Variants in MED14 observed in about 807,000 individuals in gnomAD.
MED14 encodes mediator of RNA polymerase II transcription subunit 14.
In MED14, 8 loss-of-function variants were observed where a neutral mutation model predicts 109.0. The observed-to-expected ratio is 0.07, with a 90% CI of 0.04 to 0.13. The LOEUF is 0.13. Ranked by LOEUF, MED14 falls within the 10% of genes least tolerant of loss-of-function variation. The pLI is 1.00. For missense variants in MED14, 711 were observed against 1,142.4 expected, an observed-to-expected ratio of 0.62 and a Z score of 5.44; for synonymous variants, 399 against 408.7, an observed-to-expected ratio of 0.98 and a Z score of 0.29.
intron 14 of MED14, 128 bp from the exon 15 acceptor site, chrX:40,692,445 A>G: frequency 3.6e-6 from 2 of 559,438 alleles, no homozygotes; most frequent in Non-Finnish European, 5.6e-6. Context: ...TATTGTATTT[A>G]CTGAGTAAAT....
chrX:40,734,922 G>C (rs1246775668), intron 1 of MED14, among the ~76,000 whole-genome samples: 1 of 111,948 alleles, frequency 8.9e-6, no homozygotes, highest in Admixed American at 9.5e-5. Flanking sequence ...GAAATCAAGA[G>C]AGTTCTGTTG....
Position 40,661,373 on chromosome X carries a change from C to T in MED14, c.3684+1552G>A, listed in dbSNP as rs375425754. On this transcript the variant is annotated intron_variant, in intron 26 of 30. Transcript: ENST00000324817. ...CTGGGATTACAGGCATGAGCCACCA[C>T]GCCTGGCCTTGTATTTTCAGTAGAG... 8.5e-5 allele frequency among the ~76,000 whole-genome samples: 9 copies of T among 106,138 alleles called. No individual in the cohort carries two copies. In the East Asian group the frequency reaches 2.6e-3, roughly 31 times the overall value. 92.2% of individuals were successfully genotyped at this position (106,138 alleles called of 115,157 possible).
intron 26 of MED14, among the ~76,000 whole-genome samples, chrX:40,662,000 AT>A (rs1411414359): frequency 5.5e-5 from 6 of 109,816 alleles, no homozygotes; most frequent in Non-Finnish European, 9.5e-5. Context: ...TATAGCTGGG[AT>A]TATAGGTGCG....
At chrX:40,654,707 A>G (rs1928996276) in intron 29 of MED14, 151 bp from the exon 30 acceptor site, 1 of 702,471 alleles carries the variant, frequency 1.4e-6, no homozygotes, top group Non-Finnish European at 2.1e-6. Context: ...AAACAACTGA[A>G]TATTATGGTT....
intron 3 of MED14, among the ~76,000 whole-genome samples, chrX:40,716,214 GGAA>G (rs1483305513): frequency 9.0e-6 from 1 of 111,362 alleles, no homozygotes; most frequent in African/African-American, 3.3e-5. Context: ...GTGAGGATGT[GGAA>G]GAAGGGGAAC....
chrX:40,709,499 A>AATTGC, intron 9 of MED14, 40 bp from the exon 10 acceptor site: 1 of 736,196 alleles, frequency 1.4e-6, no homozygotes, highest in Non-Finnish European at 2.0e-6. Flanking sequence ...GTGCAATTTA[A>AATTGC]ACATTTTTAC....
intron 10 of MED14, among the ~76,000 whole-genome samples, chrX:40,705,445 C>G (rs1488610465): frequency 8.9e-6 from 1 of 112,072 alleles, no homozygotes; most frequent in Admixed American, 9.5e-5. Flanking sequence ...AAGAAATACT[C>G]TGATACAAAT....
In MED14 at chrX:40,650,136, C is replaced by T. The variant is rs766585843; in HGVS notation, c.*1670G>A. 36 of 750,044 alleles carry T rather than the reference C, an allele frequency of 4.8e-5. No individual in the cohort carries two copies. Among genetic ancestry groups the T allele is most frequent in the Admixed American group, 8.8e-5 (1 of 11,407 alleles). The allele number at this position is 750,044 out of a possible 1,213,427, so 61.8% of individuals were successfully genotyped here. ...GATAAAGACATCTTAGATTGCCAAA[C>T]TGATGTGATTACCACTGTAAGAACT... On this transcript the variant is annotated 3_prime_UTR_variant, in exon 31 of 31. Coordinates refer to ENST00000324817, the MANE Select transcript of MED14 (RefSeq NM_004229.4).
chrX:40,702,942 A>AT (rs1304728333), intron 11 of MED14, among the ~76,000 whole-genome samples: 2 of 112,210 alleles, frequency 1.8e-5, no homozygotes, highest in Non-Finnish European at 3.8e-5. Context: ...TCATCATTTC[A>AT]TAACACTGAC....
intron 16 of MED14, among the ~76,000 whole-genome samples, chrX:40,685,830 T>C (rs1447697916): frequency 8.9e-6 from 1 of 112,116 alleles, no homozygotes; most frequent in Non-Finnish European, 1.9e-5. Context: ...GGGGATAAAG[T>C]AGAACAAGAA....
At chrX:40,735,550 T>A, upstream of MED14, 2 of 630,223 alleles carry the variant, frequency 3.2e-6, no homozygotes, top group Non-Finnish European at 5.1e-6. Context: ...CAGGAAGCCG[T>A]GCGCCGACCG....
intron 18 of MED14, among the ~76,000 whole-genome samples, chrX:40,682,218 G>A (rs775047054): frequency 9.0e-6 from 1 of 111,712 alleles, no homozygotes; most frequent in African/African-American, 3.2e-5. Flanking sequence ...GGGACTTTAT[G>A]CAAAGTTCTT....
In MED14 at chrX:40,675,040, T is replaced by G. The variant is rs1291448096; in HGVS notation, c.3021+181A>C. On this transcript the variant is annotated intron_variant, in intron 22 of 30. Transcript: ENST00000324817. ...CTGAGATTAATGCTGTTTCCAACAC[T>G]ATTCATTTCTTGTCACTGGAAGTCT... Among the ~76,000 whole-genome samples, 9 of 112,748 alleles carry G rather than the reference T, an allele frequency of 8.0e-5. No individual in the cohort carries two copies. The Admixed American group carries it at 8.4e-4, about 11-fold the overall frequency.
intron 11 of MED14, among the ~76,000 whole-genome samples, chrX:40,702,106 T>C (rs957084558): frequency 9.0e-6 from 1 of 111,720 alleles, no homozygotes; most frequent in Non-Finnish European, 1.9e-5. Flanking sequence ...TCATCAGAAA[T>C]CAACCATGCT....
chrX:40,698,817 G>A (rs1411753838), intron 12 of MED14, among the ~76,000 whole-genome samples: 3 of 112,197 alleles, frequency 2.7e-5, no homozygotes, highest in African/African-American at 9.7e-5. Flanking sequence ...TACTGATGAG[G>A]TTGTAAAATG....
chrX:40,710,161 T>A lies in MED14; in HGVS notation c.1023-32A>T, dbSNP rs371358501. The A allele has an allele frequency of 3.8e-4, 392 of 1,031,819 alleles. No homozygotes were observed. The African/African-American group carries it at 6.8e-3, about 18-fold the overall frequency. 85.0% of individuals were successfully genotyped at this position (1,031,819 alleles called of 1,213,427 possible). On this transcript the variant is annotated intron_variant, in intron 8 of 30. Coordinates refer to ENST00000324817, the MANE Select transcript of MED14 (RefSeq NM_004229.4). ...AAAAAAATGAAATGAAGAATTTTTT[T>A]CAACACAGTCTGTTAACTTCTAGAA...
intron 1 of MED14, among the ~76,000 whole-genome samples, chrX:40,730,201 A>C (rs977206685): frequency 8.9e-6 from 1 of 112,545 alleles, no homozygotes; most frequent in Non-Finnish European, 1.9e-5. Flanking sequence ...GGTTCAAAGT[A>C]CAAGGAGGAG....
Position 40,680,890 on chromosome X carries a change from C to T in MED14, c.2478G>A (p.Ser826=), listed in dbSNP as rs745520847. 3.2e-5 allele frequency: 38 copies of T among 1,180,961 alleles called. No individual in the cohort carries two copies. Among genetic ancestry groups the T allele is most frequent in the Non-Finnish European group, 3.9e-5 (34 of 870,804 alleles). Residue 826 remains serine, a synonymous_variant, in exon 20 of 31, where the codon TCG becomes TCA. Coordinates refer to ENST00000324817, the MANE Select transcript of MED14 (RefSeq NM_004229.4). ...AAGAAATGTGGAATTTTTGATGGAT[C>T]GAATTCCATTGGATACTAATCTAAA... ...KGSSISIQWN[S]IHQKFHISLG... is the part of the protein sequence containing the mutation.
rs1173610867 is a variant in MED14, at chrX:40,659,817, A to G, written c.3685-210T>C. On this transcript the variant is annotated intron_variant, in intron 26 of 30. Coordinates refer to ENST00000324817, the MANE Select transcript of MED14 (RefSeq NM_004229.4). ...TTGATGGAAGAACATAACTCTACCT[A>G]TGAAGTATTCTTGCAAAACAACATA... 1.5e-4 allele frequency: 50 copies of G among 328,837 alleles called. No individual in the cohort carries two copies. In the East Asian group the frequency reaches 2.3e-3, roughly 15 times the overall value. 27.1% of individuals were successfully genotyped at this position (328,837 alleles called of 1,213,427 possible).
Sources: gnomAD v4.1 joint callset for allele counts (sites outside exome capture counted in the v4.1 genomes callset) on GRCh38, gnomAD v4.1.1 for gene constraint, MANE v1.5 for transcripts, NCBI Gene and HGNC (gene_info 2026-07-23, HGNC 2026-07-21) for gene names.